NCOA1: variants seen among roughly 807,000 people sequenced by gnomAD.
The protein encoded by NCOA1 is nuclear receptor coactivator 1.
NCOA1 carries 35 observed loss-of-function variants against 150.9 expected under a neutral mutation model. The observed-to-expected ratio is 0.23, with a 90% CI of 0.18 to 0.31. The LOEUF (loss-of-function observed/expected upper bound fraction) is 0.31. Among genes scored for constraint, NCOA1 ranks in the 10% least tolerant of loss-of-function variants. The pLI, the probability that NCOA1 is intolerant of heterozygous loss-of-function variation, is 1.00. For synonymous variants in NCOA1, 590 were observed against 630.0 expected (o/e 0.94, Z 0.95); for missense variants, 1,491 against 1,749.3 (o/e 0.85, Z 2.63).
At chr2:24,709,437 A>G (rs971697996) in intron 13 of NCOA1, among the ~76,000 whole-genome samples, 2 of 152,122 alleles carry the variant, frequency 1.3e-5, no homozygotes, top group Admixed American at 1.3e-4. Context: ...TCCCTGATAA[A>G]TATTCATTGG....
Position 24,673,354 on chromosome 2 carries a change from T to G in NCOA1, c.257-12T>G, listed in dbSNP as rs1179475940. 6.6e-7 allele frequency: 1 copy of G among 1,515,222 alleles called. No homozygotes were observed. The highest frequency in any genetic ancestry group is 8.8e-7 in the Non-Finnish European group (1 of 1,130,296). The allele number at this position is 1,515,222 out of a possible 1,614,324, so 93.9% of individuals were successfully genotyped here. A position where few individuals can be genotyped will look rare whatever the true frequency, so the allele number is the denominator to read the frequency against. On this transcript the variant is annotated splice_polypyrimidine_tract_variant and intron_variant, in intron 6 of 22. Transcript: ENST00000348332. ...TTCAGATATGTGATTTTTTTAAGTT[T>G]CTTTATTATAGAGAAATCAACAACT...
intron 7 of NCOA1, among the ~76,000 whole-genome samples, chr2:24,676,585 A>G (rs1168794026): frequency 6.6e-6 from 1 of 152,144 alleles, no homozygotes; most frequent in African/African-American, 2.4e-5. Flanking sequence ...TTAACCTCCA[A>G]ACAACTGCAC....
intron 10 of NCOA1, among the ~76,000 whole-genome samples, chr2:24,695,075 C>T (rs1055830926): frequency 2.0e-5 from 3 of 152,098 alleles, no homozygotes; most frequent in East Asian, 3.9e-4. Context: ...TCAGCTTTTC[C>T]TCATATTGCA....
At chr2:24,497,252 T>G (rs1400062135) in intron 1 of NCOA1, among the ~76,000 whole-genome samples, 1 of 152,182 alleles carries the variant, frequency 6.6e-6, no homozygotes, top group Non-Finnish European at 1.5e-5. Context: ...CTTGGCCACA[T>G]TATACTTTTT....
chr2:24,760,426 G>A (rs1178254659), intron 21 of NCOA1, among the ~76,000 whole-genome samples: 1 of 151,502 alleles, frequency 6.6e-6, no homozygotes, highest in African/African-American at 2.4e-5. Context: ...CAAAGTGCTG[G>A]GATTACAGGC....
At chr2:24,641,805 A>T (rs1367283428) in intron 3 of NCOA1, among the ~76,000 whole-genome samples, 2 of 151,614 alleles carry the variant, frequency 1.3e-5, no homozygotes, top group Non-Finnish European at 2.9e-5. Context: ...ATTTTTTTTT[A>T]GCGGTTTGAC....
At chr2:24,531,797 TA>T (rs894881383) in intron 1 of NCOA1, among the ~76,000 whole-genome samples, 1 of 152,244 alleles carries the variant, frequency 6.6e-6, no homozygotes, top group African/African-American at 2.4e-5. Context: ...CATCCTTTTT[TA>T]TGACTGCATA....
At position 24,707,827 on chromosome 2, in the gene NCOA1, C is replaced by G. The variant is rs999980092; in HGVS notation, c.2357C>G (p.Thr786Arg). The change falls in exon 13 of 23, where the codon ACA becomes AGA. Residue 786 changes from threonine to arginine, a missense_variant. By Grantham distance (71) the Thr-to-Arg change is moderately conservative. Coordinates refer to ENST00000348332, the MANE Select transcript of NCOA1 (RefSeq NM_003743.5). Reference sequence around the variant, plus strand: ...AAAGAACAGATGGATCCATGTAATACAAACCCAACCCCAATGACCAAACCC... The same window carrying G: ...AAAGAACAGATGGATCCATGTAATAGAAACCCAACCCCAATGACCAAACCC... ...EKKEQMDPCN[T>R]NPTPMTKPTP... 1.9e-6 allele frequency: 3 copies of G among 1,613,602 alleles called. No homozygotes were observed. In the African/African-American group the frequency reaches 4.0e-5, roughly 22 times the overall value.
At chr2:24,689,868 T>C (rs906277597) in intron 8 of NCOA1, among the ~76,000 whole-genome samples, 3 of 152,192 alleles carry the variant, frequency 2.0e-5, no homozygotes, top group African/African-American at 7.2e-5. Context: ...CTTTAGCCTA[T>C]ATATGCTCCA....
At chr2:24,761,675 G>A (rs184798667) in intron 21 of NCOA1, among the ~76,000 whole-genome samples, 1 of 152,044 alleles carries the variant, frequency 6.6e-6, no homozygotes, top group African/African-American at 2.4e-5. Flanking sequence ...TTTTTTATTG[G>A]ATGCCAGACA....
intron 8 of NCOA1, among the ~76,000 whole-genome samples, chr2:24,688,346 T>G (rs1017229371): frequency 6.6e-6 from 1 of 152,214 alleles, no homozygotes; most frequent in African/African-American, 2.4e-5. Context: ...CCACAATGGT[T>G]GAACTAATTT....
chr2:24,724,270 C>G (rs1674499372), intron 14 of NCOA1, among the ~76,000 whole-genome samples: 1 of 152,120 alleles, frequency 6.6e-6, no homozygotes, highest in Non-Finnish European at 1.5e-5. Flanking sequence ...GCAGAAATGA[C>G]TGTATTGTCC....
chr2:24,652,978 A>T (rs1338554880), intron 4 of NCOA1, among the ~76,000 whole-genome samples: 1 of 152,208 alleles, frequency 6.6e-6, no homozygotes, highest in Non-Finnish European at 1.5e-5. Context: ...AACAGGAAGC[A>T]GTTAATACCA....
At chr2:24,507,212 A>T (rs1015776702) in intron 1 of NCOA1, among the ~76,000 whole-genome samples, 8 of 152,166 alleles carry the variant, frequency 5.3e-5, no homozygotes, top group African/African-American at 1.9e-4. Flanking sequence ...TGTTAGGAGT[A>T]TGGGCTCTGG....
intron 2 of NCOA1, among the ~76,000 whole-genome samples, chr2:24,569,579 T>TTA (rs1666653738): frequency 1.5e-5 from 2 of 133,180 alleles, no homozygotes; most frequent in African/African-American, 2.6e-5. Context: ...TTTTTTTTTT[T>TTA]ACTGAATTTG....
chr2:24,580,601 A>G (rs1468467302), intron 2 of NCOA1, among the ~76,000 whole-genome samples: 1 of 151,704 alleles, frequency 6.6e-6, no homozygotes, highest in Non-Finnish European at 1.5e-5. Context: ...TGAAATTTCC[A>G]TTTGGTTCTT....
chr2:24,735,957 C>T (rs933726321), intron 17 of NCOA1, among the ~76,000 whole-genome samples: 2 of 152,192 alleles, frequency 1.3e-5, no homozygotes, highest in South Asian at 4.1e-4. Flanking sequence ...CACAGTGGCT[C>T]ATGCCTGTAA....
rs1664337805 is a variant in NCOA1 at position 24,753,265 on chromosome 2, T to A, written c.3881+1109T>A. 1.3e-5 allele frequency among the ~76,000 whole-genome samples: 2 copies of A among 152,136 alleles called. 1 individual carries two copies. Among genetic ancestry groups the A allele is most frequent in the South Asian group, 4.1e-4 (2 of 4,828 alleles). ...TTACAGGTACTCTGACTCCCTTGCC[T>A]ATCTCTCCCTCTGTTGCACTTATGC... On this transcript the variant is annotated intron_variant, in intron 20 of 22. Coordinates refer to ENST00000348332, the MANE Select transcript of NCOA1 (RefSeq NM_003743.5).
chr2:24,655,001 T>C (rs567025497), intron 4 of NCOA1, among the ~76,000 whole-genome samples: 1 of 152,340 alleles, frequency 6.6e-6, no homozygotes, highest in East Asian at 1.9e-4. Flanking sequence ...CTGTTTTTGC[T>C]TTATTTTTCT....
Sources: gnomAD v4.1 joint callset for allele counts (sites outside exome capture counted in the v4.1 genomes callset) on GRCh38, gnomAD v4.1.1 for gene constraint, MANE v1.5 for transcripts, NCBI Gene and HGNC (gene_info 2026-07-23, HGNC 2026-07-21) for gene names.